KAZN: variants seen among roughly 807,000 people sequenced by gnomAD.
The protein encoded by KAZN is kazrin, periplakin interacting protein.
A neutral mutation model predicts 87.4 loss-of-function variants in KAZN; 40 were observed. The observed-to-expected ratio is 0.46, with a 90% CI of 0.36 to 0.60. KAZN has a LOEUF of 0.60. KAZN is among the 20% of genes least tolerant of loss of function. The probability of loss-of-function intolerance (pLI) is 0.00; values close to 1 mark genes in which losing one functional copy is unlikely to be tolerated. For synonymous variants in KAZN, 466 were observed against 458.3 expected, an observed-to-expected ratio of 1.02 and a Z score of -0.22; for missense variants, 898 against 1,073.9, an observed-to-expected ratio of 0.84 and a Z score of 2.29.
chr1:14,866,612 A>C (rs1031835232), intron 1 of KAZN, among the ~76,000 whole-genome samples: 1 of 152,188 alleles, frequency 6.6e-6, no homozygotes, highest in Non-Finnish European at 1.5e-5. Flanking sequence ...CTGTAATCCC[A>C]GCTGCTCAGA....
intron 1 of KAZN, among the ~76,000 whole-genome samples, chr1:13,992,105 A>T (rs911984968): frequency 1.3e-5 from 2 of 152,146 alleles, no homozygotes; most frequent in African/African-American, 4.8e-5. Context: ...CCCAGACTGG[A>T]TAAGTGTTCA....
rs550027609 is a variant in KAZN, at chr1:14,755,691, GCCTGGACAC to G, written c.226+156472_226+156480del. 4.4e-3 allele frequency among the ~76,000 whole-genome samples: 669 copies of G among 152,266 alleles called. 2 individuals carry two copies. The highest frequency in any genetic ancestry group is 5.9e-3 in the Non-Finnish European group (401 of 68,010). Reference sequence around the variant, plus strand: ...CAGTGTGGAGGGCAGCCCCTTCCTGGCCTGGACACCCTCTGTGCCCAGGGCTCCACGGGG... The same window carrying G: ...CAGTGTGGAGGGCAGCCCCTTCCTGGCCTCTGTGCCCAGGGCTCCACGGGG... On this transcript the variant is annotated intron_variant, in intron 1 of 14. Coordinates refer to ENST00000376030, the MANE Select transcript of KAZN (RefSeq NM_201628.3).
At chr1:14,577,430 A>G (rs1228976435) in intron 2 of KAZN, among the ~76,000 whole-genome samples, 1 of 152,208 alleles carries the variant, frequency 6.6e-6, no homozygotes, top group Non-Finnish European at 1.5e-5. Context: ...CAGCTTGGAA[A>G]TGTGCCACTA....
At chr1:13,897,854 C>T (rs1557706992) in intron 1 of KAZN, among the ~76,000 whole-genome samples, 1 of 152,208 alleles carries the variant, frequency 6.6e-6, no homozygotes, top group African/African-American at 2.4e-5. Flanking sequence ...ACCTTCCTCC[C>T]TCTCCAGGTC....
At chr1:14,514,636 T>C (rs1311862664) in intron 2 of KAZN, among the ~76,000 whole-genome samples, 1 of 66,066 alleles carries the variant, frequency 1.5e-5, no homozygotes, top group Non-Finnish European at 3.1e-5. Context: ...TATATATATA[T>C]ATATCTCAAA....
At chr1:14,786,936 T>A (rs1645526410) in intron 1 of KAZN, among the ~76,000 whole-genome samples, 2 of 152,204 alleles carry the variant, frequency 1.3e-5, no homozygotes, top group African/African-American at 4.8e-5. Flanking sequence ...ACGAACAGCA[T>A]ACATTTAGGG....
chr1:14,569,319 G>GATTTTTTT (rs1557806268), intron 2 of KAZN, among the ~76,000 whole-genome samples: 1 of 73,306 alleles, frequency 1.4e-5, no homozygotes, highest in Non-Finnish European at 2.5e-5. Flanking sequence ...TACTTCCTCT[G>GATTTTTTT]CTTTTTTTTT....
At chr1:14,245,692 A>G (rs1649434512) in intron 2 of KAZN, among the ~76,000 whole-genome samples, 1 of 152,162 alleles carries the variant, frequency 6.6e-6, no homozygotes, top group East Asian at 1.9e-4. Context: ...GAAAATGTGT[A>G]CCAAGCACAT....
chr1:14,402,774 AG>A (rs1262430621), intron 2 of KAZN, among the ~76,000 whole-genome samples: 2 of 152,202 alleles, frequency 1.3e-5, no homozygotes, highest in African/African-American at 4.8e-5. Context: ...GTGAAGAAAT[AG>A]GTTAATAGAT....
intron 2 of KAZN, among the ~76,000 whole-genome samples, chr1:14,553,646 G>T (rs1217778026): frequency 6.6e-6 from 1 of 152,164 alleles, no homozygotes. Context: ...AGCTTATCTG[G>T]GCTGTCAATT....
In KAZN at chr1:14,735,800, T is replaced by C. The variant is rs1643882783; in HGVS notation, c.226+136577T>C. On this transcript the variant is annotated intron_variant, in intron 1 of 14. Coordinates refer to ENST00000376030, the MANE Select transcript of KAZN (RefSeq NM_201628.3). The surrounding 1 kb of genome is among the most constrained non-coding windows in gnomAD (Gnocchi z 4.3). ...AGAAGCGCCGTCCCTGGCCCTGGGT[T>C]TGGTAAGTTGTAAAAGGAACTTGCT... Among the ~76,000 whole-genome samples, 1 of 152,188 alleles carries C rather than the reference T, an allele frequency of 6.6e-6. No individual in the cohort carries two copies. Among genetic ancestry groups the C allele is most frequent in the South Asian group, 2.1e-4 (1 of 4,826 alleles).
At chr1:14,885,735 G>A (rs563990257) in intron 1 of KAZN, among the ~76,000 whole-genome samples, 19 of 152,140 alleles carry the variant, frequency 1.2e-4, no homozygotes, top group Admixed American at 7.2e-4. Context: ...TCCCATCCCC[G>A]TTGTAGGTAT....
rs112787181 is a variant in KAZN at position 14,360,089 on chromosome 1, G to T, written c.249+179497G>T. Reference sequence around the variant, plus strand: ...TTTCAGGTACACCAATCAAACATAGGTTTGGTCTTTTCACATAATCCCATA... The same window carrying T: ...TTTCAGGTACACCAATCAAACATAGTTTTGGTCTTTTCACATAATCCCATA... On this transcript the variant is annotated intron_variant, in intron 2 of 16. Transcript: ENST00000636203. Among the ~76,000 whole-genome samples, 967 of 152,194 alleles carry T rather than the reference G, an allele frequency of 6.4e-3. 11 individuals carry two copies. Among genetic ancestry groups the T allele is most frequent in the African/African-American group, 0.022 (926 of 41,544 alleles).
At chr1:14,651,888 A>C (rs984727129) in intron 1 of KAZN, among the ~76,000 whole-genome samples, 6 of 152,226 alleles carry the variant, frequency 3.9e-5, no homozygotes, top group African/African-American at 1.4e-4. Flanking sequence ...CACATAATAG[A>C]CAGGTAGTTC....
intron 2 of KAZN, among the ~76,000 whole-genome samples, chr1:14,353,288 G>C (rs1408924474): frequency 6.7e-6 from 1 of 150,004 alleles, no homozygotes; most frequent in Non-Finnish European, 1.5e-5. Context: ...GCAGTGGCGC[G>C]ATCTTGGCTC....
intron 2 of KAZN, among the ~76,000 whole-genome samples, chr1:14,432,416 A>G (rs1031315802): frequency 6.6e-6 from 1 of 152,174 alleles, no homozygotes; most frequent in Non-Finnish European, 1.5e-5. Flanking sequence ...ACCCAGTCTC[A>G]CGAGCTTGTC....
intron 1 of KAZN, among the ~76,000 whole-genome samples, chr1:14,799,392 G>A (rs1450753101): frequency 1.3e-5 from 2 of 152,152 alleles, no homozygotes; most frequent in African/African-American, 2.4e-5. Flanking sequence ...TGCCTGTTCC[G>A]CTTTCACGTT....
rs117164806 is a variant in KAZN, at chr1:14,646,960, G to A, written c.226+47737G>A. Reference sequence around the variant, plus strand: ...TGCAAAGGAGCTTCTGCTCCAGCACGTGGATGGGGGAAGCCCTTACCTTCT... The same window carrying A: ...TGCAAAGGAGCTTCTGCTCCAGCACATGGATGGGGGAAGCCCTTACCTTCT... On this transcript the variant is annotated intron_variant, in intron 1 of 14. Coordinates refer to ENST00000376030, the MANE Select transcript of KAZN (RefSeq NM_201628.3). 3.1e-3 allele frequency among the ~76,000 whole-genome samples: 466 copies of A among 152,294 alleles called. 6 individuals carry two copies. Among genetic ancestry groups the A allele is most frequent in the East Asian group, 0.02 (104 of 5,176 alleles).
At chr1:14,868,974 TC>T (rs1651848908) in intron 1 of KAZN, among the ~76,000 whole-genome samples, 1 of 152,106 alleles carries the variant, frequency 6.6e-6, no homozygotes, top group Non-Finnish European at 1.5e-5. Context: ...TTGATCTGTG[TC>T]CCCCACTCCA....
Sources: gnomAD v4.1 joint callset for allele counts (sites outside exome capture counted in the v4.1 genomes callset) on GRCh38, gnomAD v4.1.1 for gene constraint, Gnocchi (gnomAD v3.1) non-coding constraint, MANE v1.5 for transcripts, NCBI Gene and HGNC (gene_info 2026-07-23, HGNC 2026-07-21) for gene names.